The following CNTN4 variants were observed in gnomAD, a reference collection of about 807,000 sequenced individuals.
CNTN4 encodes the protein contactin-4.
CNTN4 carries 77 observed loss-of-function variants against 122.5 expected under a neutral mutation model. The ratio of observed to expected loss-of-function variants is 0.63; its 90% CI spans 0.52 to 0.76. CNTN4 has a LOEUF of 0.76. Among genes scored for constraint, CNTN4 ranks in the 30% least tolerant of loss-of-function variants. CNTN4 has a pLI of 0.00. For missense variants in CNTN4, 1,256 were observed against 1,259.1 expected (o/e 1.00, Z 0.04); for synonymous variants, 512 against 447.0 (o/e 1.15, Z -1.83).
intron 3 of CNTN4, among the ~76,000 whole-genome samples, chr3:2,399,710 A>T (rs2046771582): frequency 6.6e-6 from 1 of 152,112 alleles, no homozygotes; most frequent in South Asian, 2.1e-4. Context: ...AGGAAGGTTT[A>T]TGCTTCTCTA....
At chr3:2,895,996 G>A (rs938684430) in intron 10 of CNTN4, among the ~76,000 whole-genome samples, 7 of 152,078 alleles carry the variant, frequency 4.6e-5, no homozygotes, top group Non-Finnish European at 5.9e-5. Flanking sequence ...TGGCGCCACC[G>A]CACTCTGGTC....
chr3:2,729,986 T>G (rs2088561485), intron 4 of CNTN4, among the ~76,000 whole-genome samples: 1 of 152,138 alleles, frequency 6.6e-6, no homozygotes, highest in Non-Finnish European at 1.5e-5. Context: ...GTTTTCTGAG[T>G]CCTGATAATT....
intron 2 of CNTN4, among the ~76,000 whole-genome samples, chr3:2,128,984 A>G (rs1419166630): frequency 1.3e-5 from 2 of 152,192 alleles, no homozygotes; most frequent in African/African-American, 2.4e-5. Context: ...ATAATTATCC[A>G]AAATATACTT....
intron 2 of CNTN4, among the ~76,000 whole-genome samples, chr3:2,260,982 C>T (rs955264515): frequency 1.1e-4 from 16 of 152,032 alleles, no homozygotes; most frequent in African/African-American, 2.9e-4. Flanking sequence ...CTGCCTGCCT[C>T]GGCCTCCCAA....
At chr3:2,419,667 C>T (rs1193431478) in intron 3 of CNTN4, among the ~76,000 whole-genome samples, 2 of 152,056 alleles carry the variant, frequency 1.3e-5, no homozygotes, top group Non-Finnish European at 2.9e-5. Flanking sequence ...CTTCCACTAA[C>T]AAACATAACA....
intron 16 of CNTN4, among the ~76,000 whole-genome samples, chr3:3,032,938 A>AT (rs1189680557): frequency 4.6e-5 from 7 of 152,302 alleles, no homozygotes; most frequent in Admixed American, 2.0e-4. Context: ...TGGCAGGAAG[A>AT]TAAAAAAAAG....
At chr3:2,580,482 A>G (rs1160130205) in intron 4 of CNTN4, among the ~76,000 whole-genome samples, 1 of 152,152 alleles carries the variant, frequency 6.6e-6, no homozygotes, top group Admixed American at 6.5e-5. Flanking sequence ...AGCACGTAAA[A>G]GCCCTTAATG....
intron 4 of CNTN4, among the ~76,000 whole-genome samples, chr3:2,714,709 G>A (rs1472652758): frequency 2.0e-5 from 3 of 152,114 alleles, no homozygotes; most frequent in Non-Finnish European, 4.4e-5. Flanking sequence ...GTTGGGAGTG[G>A]TATAGGAAAA....
chr3:2,213,206 G>T (rs192010103), intron 2 of CNTN4, among the ~76,000 whole-genome samples: 1 of 152,278 alleles, frequency 6.6e-6, no homozygotes. Context: ...GGATGAGGAA[G>T]TTGAGGCCAG....
intron 2 of CNTN4, among the ~76,000 whole-genome samples, chr3:2,317,264 G>A (rs1476187): frequency 0.35 from 53,515 of 152,016 alleles, 10,284 homozygotes; most frequent in East Asian, 0.77. Flanking sequence ...ATTAACAGTG[G>A]TACTTGTTTG....
At chr3:2,798,857 C>T (rs74413158) in intron 6 of CNTN4, among the ~76,000 whole-genome samples, 2,280 of 152,142 alleles carry the variant, frequency 0.015, 55 homozygotes, top group African/African-American at 0.052. Flanking sequence ...ATTATATACC[C>T]GGTAGTGGGA....
chr3:2,421,451 C>T (rs1310455671), intron 3 of CNTN4, among the ~76,000 whole-genome samples: 3 of 152,100 alleles, frequency 2.0e-5, no homozygotes, highest in African/African-American at 7.2e-5. Context: ...ATGGTTTCAC[C>T]ATGTTGGCCA....
intron 2 of CNTN4, among the ~76,000 whole-genome samples, chr3:2,292,008 T>C (rs2042152961): frequency 6.6e-6 from 1 of 152,212 alleles, no homozygotes; most frequent in Non-Finnish European, 1.5e-5. Flanking sequence ...AGTGCTGGGA[T>C]TACAGGCGTG....
chr3:2,709,461 A>T lies in CNTN4; in HGVS notation c.56-26754A>T, dbSNP rs1270292701. On this transcript the variant is annotated intron_variant, in intron 4 of 24. Coordinates refer to ENST00000418658, the MANE Select transcript of CNTN4 (RefSeq NM_175607.3). This position sits in a 1 kb window ranked among gnomAD's most constrained non-coding sequence, Gnocchi z 5.0. ...AGGTGATCATCGTGTGCAATGGGGGATGGGAACTACTGAAACCTAATCCCC... is the reference window on the plus strand; with the variant it reads ...AGGTGATCATCGTGTGCAATGGGGGTTGGGAACTACTGAAACCTAATCCCC... Among the ~76,000 whole-genome samples, 1 of 152,078 alleles carries T rather than the reference A, an allele frequency of 6.6e-6. No individual in the cohort carries two copies. The highest frequency in any genetic ancestry group is 2.4e-5 in the African/African-American group (1 of 41,416).
intron 2 of CNTN4, among the ~76,000 whole-genome samples, chr3:2,319,021 C>T (rs962319946): frequency 2.0e-5 from 3 of 152,136 alleles, no homozygotes; most frequent in Admixed American, 6.5e-5. Flanking sequence ...CTAATTCCCT[C>T]TTCTAATAAA....
chr3:2,129,839 A>G (rs4464436), intron 2 of CNTN4, among the ~76,000 whole-genome samples: 8,074 of 151,938 alleles, frequency 0.053, 377 homozygotes, highest in African/African-American at 0.12. Context: ...ATATTAACAG[A>G]TAGATCCTTT....
chr3:2,321,934 A>G (rs1156387285), intron 2 of CNTN4, among the ~76,000 whole-genome samples: 8 of 152,174 alleles, frequency 5.3e-5, no homozygotes, highest in Non-Finnish European at 1.2e-4. Flanking sequence ...CACATTCATG[A>G]TCCTTAATAT....
intron 3 of CNTN4, among the ~76,000 whole-genome samples, chr3:2,409,602 C>T (rs1325496720): frequency 6.6e-6 from 1 of 152,014 alleles, no homozygotes; most frequent in Non-Finnish European, 1.5e-5. Flanking sequence ...TCATTAATCT[C>T]AAAGATATAA....
chr3:2,999,424 G>T (rs1360339982), intron 14 of CNTN4, among the ~76,000 whole-genome samples: 5 of 152,126 alleles, frequency 3.3e-5, no homozygotes, highest in Admixed American at 3.3e-4. Context: ...GTCCACTTGT[G>T]CTGCTATAAT....
Sources: gnomAD v4.1 joint callset for allele counts (sites outside exome capture counted in the v4.1 genomes callset) on GRCh38, gnomAD v4.1.1 for gene constraint, Gnocchi (gnomAD v3.1) non-coding constraint, MANE v1.5 for transcripts, NCBI Gene and HGNC (gene_info 2026-07-23, HGNC 2026-07-21) for gene names.